Variants in ZNF618 observed in about 807,000 individuals in gnomAD.
ZNF618 encodes neural precursor cell expressed, developmentally down-regulated 10.
In ZNF618, 34 loss-of-function variants were observed where a neutral mutation model predicts 103.0. The observed-to-expected ratio is 0.33, with a 90% CI of 0.25 to 0.44. ZNF618 has a LOEUF of 0.44. Ranked by LOEUF, ZNF618 falls within the 20% of genes least tolerant of loss-of-function variation. The pLI, the probability that ZNF618 is intolerant of heterozygous loss-of-function variation, is 1.00. For missense variants in ZNF618, 1,059 were observed against 1,295.4 expected (o/e 0.82, Z 2.80); for synonymous variants, 551 against 542.2 (o/e 1.02, Z -0.23).
chr9:113,932,393 A>C (rs1356564712), intron 1 of ZNF618, among the ~76,000 whole-genome samples: 4 of 152,144 alleles, frequency 2.6e-5, no homozygotes, highest in African/African-American at 9.7e-5. Flanking sequence ...GCCACTGGGA[A>C]GGGGTTGGAG....
At chr9:114,018,622 A>G (rs1363553479) in intron 10 of ZNF618, among the ~76,000 whole-genome samples, 1 of 152,156 alleles carries the variant, frequency 6.6e-6, no homozygotes, top group Non-Finnish European at 1.5e-5. Context: ...CCTACATCCC[A>G]TGTCAGATGG....
At chr9:114,039,726 A>G (rs1844964435) in intron 13 of ZNF618, among the ~76,000 whole-genome samples, 1 of 152,128 alleles carries the variant, frequency 6.6e-6, no homozygotes, top group African/African-American at 2.4e-5. Context: ...AAGTGGGTTT[A>G]TTGGTATTCT....
chr9:114,038,785 G>A (rs969658049), intron 13 of ZNF618, among the ~76,000 whole-genome samples: 48 of 152,274 alleles, frequency 3.2e-4, no homozygotes, highest in African/African-American at 1.2e-3. Flanking sequence ...TCCTGATTAG[G>A]TAGTTGACGT....
chr9:113,917,260 T>TG (rs1424752564), intron 1 of ZNF618, among the ~76,000 whole-genome samples: 1 of 108,758 alleles, frequency 9.2e-6, no homozygotes, highest in Non-Finnish European at 2.0e-5. Context: ...TTTTTTTTTT[T>TG]GTGAGATAGG....
At chr9:113,956,233 AAAAAAAG>A (rs1836279873) in intron 1 of ZNF618, among the ~76,000 whole-genome samples, 1 of 150,828 alleles carries the variant, frequency 6.6e-6, no homozygotes, top group Non-Finnish European at 1.5e-5. Flanking sequence ...AAAAAAAAAA[AAAAAAAG>A]AAGAGCATTG....
chr9:114,018,816 T>C (rs1842842760), intron 10 of ZNF618, among the ~76,000 whole-genome samples: 1 of 152,226 alleles, frequency 6.6e-6, no homozygotes, highest in African/African-American at 2.4e-5. Context: ...CCTACTGAAG[T>C]CTGGGGACTC....
At chr9:113,879,413 T>TTAA (rs1554715441) in intron 1 of ZNF618, among the ~76,000 whole-genome samples, 1 of 145,912 alleles carries the variant, frequency 6.9e-6, no homozygotes, top group African/African-American at 2.5e-5. Flanking sequence ...TTTTTTTTTT[T>TTAA]AAATTGGTTA....
intron 1 of ZNF618, among the ~76,000 whole-genome samples, chr9:113,968,769 A>T (rs1464098672): frequency 6.6e-6 from 1 of 152,198 alleles, no homozygotes; most frequent in Admixed American, 6.5e-5. Context: ...CTACTGTTTT[A>T]TTGGAAATCC....
chr9:113,959,124 T>A (rs1002808358), intron 1 of ZNF618, among the ~76,000 whole-genome samples: 6 of 152,072 alleles, frequency 3.9e-5, no homozygotes, highest in African/African-American at 1.2e-4. Flanking sequence ...ACCTCGTCTC[T>A]ACTAAAAATA....
chr9:113,955,153 T>G (rs1836153958), intron 1 of ZNF618, among the ~76,000 whole-genome samples: 1 of 151,452 alleles, frequency 6.6e-6, no homozygotes. Flanking sequence ...TCTCTTTTTT[T>G]TTTTTTTTTG....
chr9:113,975,090 A>C (rs1463617242), intron 2 of ZNF618, among the ~76,000 whole-genome samples: 1 of 152,146 alleles, frequency 6.6e-6, no homozygotes, highest in Non-Finnish European at 1.5e-5. Flanking sequence ...AGGAGATAAC[A>C]TGGGGTGGCA....
At position 113,911,932 on chromosome 9, in the gene ZNF618, T is replaced by C. The variant is rs185222684; in HGVS notation, c.33+35519T>C. 2.6e-5 allele frequency among the ~76,000 whole-genome samples: 4 copies of C among 152,358 alleles called. No homozygotes were observed. In the East Asian group the frequency reaches 7.7e-4, roughly 29 times the overall value. On this transcript the variant is annotated intron_variant, in intron 1 of 14. Transcript: ENST00000374126. ...ACTTTTCAATCTAGAAGGAGTCTTG[T>C]TGATCACCCAGACCACTTCTTTAGT... is the stretch of plus-strand genomic sequence containing the variant.
chr9:113,889,831 A>G (rs1829456966), intron 1 of ZNF618, among the ~76,000 whole-genome samples: 1 of 152,130 alleles, frequency 6.6e-6, no homozygotes, highest in South Asian at 2.1e-4. Flanking sequence ...CACCTAACAC[A>G]TTTTGAGGAC....
At chr9:113,977,275 G>T (rs1838568182) in intron 2 of ZNF618, among the ~76,000 whole-genome samples, 1 of 152,200 alleles carries the variant, frequency 6.6e-6, no homozygotes. Context: ...TTCTGCTGGG[G>T]CGCTTCCTTA....
chr9:113,957,373 A>AG (rs1411044403), intron 1 of ZNF618, among the ~76,000 whole-genome samples: 1 of 152,174 alleles, frequency 6.6e-6, no homozygotes, highest in Admixed American at 6.5e-5. Context: ...CGAGCTACTA[A>AG]GTAGCCCAGG....
At chr9:113,917,442 C>T (rs547136099) in intron 1 of ZNF618, among the ~76,000 whole-genome samples, 71 of 151,018 alleles carry the variant, frequency 4.7e-4, no homozygotes, top group Admixed American at 7.9e-4. Flanking sequence ...TTTGTAGAGG[C>T]GGGATTTTGC....
At position 113,988,442 on chromosome 9, in the gene ZNF618, C is replaced by T. The variant is rs377125895; in HGVS notation, c.199C>T (p.Pro67Ser). ...MTEVKVKTEL[P>S]DDYIQEVIWQ... ...GGAGGTGAAGGTGAAGACAGAGCTG[C>T]CCGATGACTACATCCAGGAGGTGAT... The change falls in exon 3 of 15, where the codon CCC becomes TCC. Residue 67 changes from proline (P) to serine (S), a missense_variant. Transcript: ENST00000374126. The T allele has an allele frequency of 6.2e-6, 10 of 1,613,660 alleles. No homozygotes were observed. In the East Asian group the frequency reaches 6.7e-5, roughly 11 times the overall value.
chr9:113,889,350 T>TCTCTCTCTCTCTCTCTCCCTCC (rs1191014933), intron 1 of ZNF618, among the ~76,000 whole-genome samples: 4 of 148,460 alleles, frequency 2.7e-5, no homozygotes, highest in Admixed American at 2.2e-4. Flanking sequence ...TCTCTCTTTC[T>TCTCTCTCTCTCTCTCTCCCTCC]CTCCCTCCCT....
intron 10 of ZNF618, among the ~76,000 whole-genome samples, chr9:114,024,065 A>C (rs1176319807): frequency 6.6e-6 from 1 of 152,134 alleles, no homozygotes; most frequent in African/African-American, 2.4e-5. Context: ...AATTACATAG[A>C]TATTTGATAA....
Sources: allele counts gnomAD v4.1 joint callset (sites outside exome capture counted in the v4.1 genomes callset), GRCh38; gene constraint gnomAD v4.1.1; transcripts MANE v1.5; gene names NCBI Gene and HGNC (gene_info 2026-07-23, HGNC 2026-07-21).